Variants in ITPR1 observed in about 807,000 individuals in gnomAD.
ITPR1 encodes the protein inositol 1,4,5-trisphosphate receptor type 1.
A neutral mutation model predicts 318.4 loss-of-function variants in ITPR1; 96 were observed. The observed-to-expected ratio is 0.30, with a 90% CI of 0.26 to 0.36. ITPR1 has a LOEUF of 0.36. ITPR1 is among the 10% of genes least tolerant of loss of function. ITPR1 has a pLI of 1.00. For synonymous variants in ITPR1, 1,312 were observed against 1,289.9 expected (o/e 1.02, Z -0.37); for missense variants, 2,440 against 3,460.2 (o/e 0.71, Z 7.40).
chr3:4,724,069 C>T (rs1257486828), intron 40 of ITPR1, among the ~76,000 whole-genome samples: 2 of 152,108 alleles, frequency 1.3e-5, no homozygotes, highest in African/African-American at 4.8e-5. Flanking sequence ...TACTTTCCTT[C>T]CCCACTCATG....
chr3:4,509,638 A>G (rs2081650313), intron 2 of ITPR1, among the ~76,000 whole-genome samples: 1 of 152,184 alleles, frequency 6.6e-6, no homozygotes, highest in African/African-American at 2.4e-5. Context: ...AAAAATAAGA[A>G]TGAAAAAACT....
intron 4 of ITPR1, among the ~76,000 whole-genome samples, chr3:4,608,133 C>CAG (rs2125093695): frequency 6.6e-6 from 1 of 152,262 alleles, no homozygotes; most frequent in South Asian, 2.1e-4. Flanking sequence ...CAGATCAGAT[C>CAG]CTCCCCACTG....
intron 2 of ITPR1, among the ~76,000 whole-genome samples, chr3:4,507,866 C>T (rs1463258116): frequency 6.6e-6 from 1 of 152,126 alleles, no homozygotes; most frequent in Non-Finnish European, 1.5e-5. Flanking sequence ...AGGATAGAAG[C>T]TTTTAATAAT....
In ITPR1 at chr3:4,799,202, G is replaced by A. The variant is rs554329452; in HGVS notation, c.6932-1223G>A. On this transcript the variant is annotated intron_variant, in intron 53 of 61. Transcript: ENST00000649015. ...GACTCAGTTTCCTTTAGAGTAGACC[G>A]GGGACAGTAGGATGAATAAATGATC... 8.5e-5 allele frequency among the ~76,000 whole-genome samples: 13 copies of A among 152,264 alleles called. No individual in the cohort carries two copies. In the South Asian group the frequency reaches 2.1e-3, roughly 24 times the overall value.
intron 31 of ITPR1, 30 bp downstream of exon 31, chr3:4,688,650 T>TAGAGGGAGGAGGGCAGGGA (rs1225867132): frequency 5.6e-6 from 9 of 1,602,610 alleles, no homozygotes; most frequent in Middle Eastern, 1.6e-4. Flanking sequence ...TGCAAATCTA[T>TAGAGGGAGGAGGGCAGGGA]AGAGGGAGGA....
chr3:4,558,742 A>G (rs983106563), intron 4 of ITPR1, among the ~76,000 whole-genome samples: 19 of 152,198 alleles, frequency 1.2e-4, no homozygotes, highest in Admixed American at 5.2e-4. Context: ...GTACGAATCC[A>G]GAAAAATAGA....
At chr3:4,743,539 C>G (rs964444558) in intron 44 of ITPR1, among the ~76,000 whole-genome samples, 1 of 152,198 alleles carries the variant, frequency 6.6e-6, no homozygotes, top group Non-Finnish European at 1.5e-5. Flanking sequence ...GTGAGTCCCT[C>G]CAGGTTGGTG....
At chr3:4,807,414 C>T (rs777062163) in intron 55 of ITPR1, among the ~76,000 whole-genome samples, 2 of 152,174 alleles carry the variant, frequency 1.3e-5, no homozygotes, top group African/African-American at 2.4e-5. Context: ...CTTCGCTTAA[C>T]GTACTTGACT....
Position 4,613,547 on chromosome 3 carries a change from C to T in ITPR1, c.164-14216C>T, listed in dbSNP as rs201629601. On this transcript the variant is annotated intron_variant, in intron 4 of 61. Transcript: ENST00000649015. ...CATTGCCTGAGTTTCCTGTGGGTGA[C>T]GCAAATACCAAGGCCATAAGGGGAG... Among the ~76,000 whole-genome samples, 58 of 152,228 alleles carry T rather than the reference C, an allele frequency of 3.8e-4. No homozygotes were observed. The East Asian group carries it at 9.3e-3, about 24-fold the overall frequency.
chr3:4,509,755 C>A (rs2081659504), intron 2 of ITPR1, among the ~76,000 whole-genome samples: 1 of 152,176 alleles, frequency 6.6e-6, no homozygotes, highest in African/African-American at 2.4e-5. Flanking sequence ...TATGATTGCA[C>A]CACTACCTTC....
At chr3:4,632,650 C>T (rs2093048864) in intron 5 of ITPR1, among the ~76,000 whole-genome samples, 1 of 152,174 alleles carries the variant, frequency 6.6e-6, no homozygotes, top group African/African-American at 2.4e-5. Context: ...AGAAATGGCT[C>T]AGGCTGGATG....
intron 54 of ITPR1, among the ~76,000 whole-genome samples, chr3:4,804,432 T>C (rs528851690): frequency 7.2e-5 from 11 of 152,278 alleles, no homozygotes; most frequent in African/African-American, 2.6e-4. Context: ...ATGAGCTGTC[T>C]CTGTTGAGAG....
In ITPR1 at chr3:4,601,075, A is replaced by C. The variant is rs763215967; in HGVS notation, c.164-26688A>C. Among the ~76,000 whole-genome samples, 14 of 152,206 alleles carry C rather than the reference A, an allele frequency of 9.2e-5. No homozygotes were observed. In the Middle Eastern group the frequency reaches 0.01, roughly 111 times the overall value. Reference sequence around the variant, plus strand: ...GGGCTGTGGAGAGGGTTTGGTAGACATGAATCACCTGTTAGATGTAAAGGG... The same window carrying C: ...GGGCTGTGGAGAGGGTTTGGTAGACCTGAATCACCTGTTAGATGTAAAGGG... On this transcript the variant is annotated intron_variant, in intron 4 of 61. Transcript: ENST00000649015.
intron 4 of ITPR1, among the ~76,000 whole-genome samples, chr3:4,578,325 G>T (rs2088908999): frequency 6.6e-6 from 1 of 150,988 alleles, no homozygotes; most frequent in African/African-American, 2.4e-5. Flanking sequence ...CTTTTCTTTT[G>T]AGTGACAGTA....
intron 54 of ITPR1, among the ~76,000 whole-genome samples, chr3:4,802,673 AC>A (rs2048308772): frequency 1.3e-5 from 2 of 152,098 alleles, no homozygotes; most frequent in Non-Finnish European, 1.5e-5. Context: ...AAAAAAAAAT[AC>A]AAAAATTAGC....
intron 4 of ITPR1, among the ~76,000 whole-genome samples, chr3:4,608,794 G>A (rs979185623): frequency 6.6e-6 from 1 of 151,664 alleles, no homozygotes; most frequent in Non-Finnish European, 1.5e-5. Context: ...TTGAGGTCAG[G>A]AGTTTCCGAC....
At chr3:4,670,371 T>C (rs1286215665) in intron 19 of ITPR1, among the ~76,000 whole-genome samples, 2 of 152,224 alleles carry the variant, frequency 1.3e-5, no homozygotes, top group Non-Finnish European at 2.9e-5. Context: ...TTAGGTATTT[T>C]CACATTTCGG....
intron 7 of ITPR1, among the ~76,000 whole-genome samples, 178 bp from the exon 8 acceptor site, chr3:4,643,958 C>G (rs529421274): frequency 3.3e-5 from 5 of 152,100 alleles, no homozygotes; most frequent in Admixed American, 1.3e-4. Flanking sequence ...TAAACATGAC[C>G]CCCTCTGCAC....
In ITPR1 at chr3:4,669,651, T is replaced by C. The variant is rs1189879446; in HGVS notation, c.1887-3T>C. 4 of 1,610,522 alleles carry C rather than the reference T, an allele frequency of 2.5e-6. No homozygotes were observed. Among genetic ancestry groups the C allele is most frequent in the Non-Finnish European group, 3.4e-6 (4 of 1,177,900 alleles). On this transcript the variant is annotated splice_region_variant and splice_polypyrimidine_tract_variant and intron_variant, in intron 18 of 61. Transcript: ENST00000649015. ...AAAATGTTTTGTTTCTGTTTCTGTT[T>C]AGATTCTTAGATTACCTCTCCGACC...
Sources: allele counts gnomAD v4.1 joint callset (sites outside exome capture counted in the v4.1 genomes callset), GRCh38; gene constraint gnomAD v4.1.1; transcripts MANE v1.5; gene names NCBI Gene and HGNC (gene_info 2026-07-23, HGNC 2026-07-21).